ZNG1A: variants seen among roughly 807,000 people sequenced by gnomAD.
The protein encoded by ZNG1A is zinc-regulated GTPase metalloprotein activator 1A.
At chr9:163,666 C>G in the ZNG1A span, among the ~76,000 whole-genome samples, 1 of 151,966 alleles carries the variant, frequency 6.6e-6, no homozygotes, top group Non-Finnish European at 1.5e-5. Context: ...CCTGTAATCC[C>G]AGCACTTTGG....
chr9:126,580 A>C, the ZNG1A span, among the ~76,000 whole-genome samples: 1 of 151,820 alleles, frequency 6.6e-6, no homozygotes, highest in Admixed American at 6.6e-5. Flanking sequence ...TATTGAGCTT[A>C]TTTGGATTTT....
chr9:136,644 GA>G, the ZNG1A span, among the ~76,000 whole-genome samples: 1 of 90,060 alleles, frequency 1.1e-5, no homozygotes, highest in Admixed American at 1.3e-4. Flanking sequence ...CATGTAAAGG[GA>G]AAAAATAAAA....
At chr9:166,917 T>C in the ZNG1A span, 2 of 152,044 alleles carry the variant, frequency 1.3e-5, no homozygotes, top group Non-Finnish European at 2.9e-5. Context: ...TGTCATGAAG[T>C]AGAGGATCTA....
At chr9:143,196 A>C in the ZNG1A span, among the ~76,000 whole-genome samples, 4 of 149,172 alleles carry the variant, frequency 2.7e-5, no homozygotes, top group African/African-American at 1.0e-4. Context: ...TCATTTGATG[A>C]GGCCAGCATC....
the ZNG1A span, among the ~76,000 whole-genome samples, chr9:144,549 C>G: frequency 0.017 from 2,529 of 149,100 alleles, 27 homozygotes; most frequent in Non-Finnish European, 0.022. Flanking sequence ...ATCAATTCAA[C>G]ATGGATTAAA....
the ZNG1A span, among the ~76,000 whole-genome samples, chr9:178,456 C>A: frequency 8.9e-5 from 10 of 112,948 alleles, 2 homozygotes; most frequent in African/African-American, 2.6e-4. Flanking sequence ...GGCCCTGTTT[C>A]ACAGGTGACA....
chr9:175,920 G>A, the ZNG1A span: 18 of 1,371,038 alleles, frequency 1.3e-5, no homozygotes, highest in Non-Finnish European at 1.7e-5. Flanking sequence ...ATATCCTAGA[G>A]GATAAGATTA....
the ZNG1A span, among the ~76,000 whole-genome samples, chr9:152,329 C>T: frequency 2.2e-4 from 33 of 152,126 alleles, no homozygotes; most frequent in Non-Finnish European, 1.0e-4. Flanking sequence ...GCACAACTGT[C>T]AGATTAAGGG....
the ZNG1A span, among the ~76,000 whole-genome samples, chr9:142,701 A>C: frequency 7.1e-6 from 1 of 140,084 alleles, no homozygotes; most frequent in Non-Finnish European, 1.5e-5. Context: ...TCAGAGCAGA[A>C]CTGAAGGAAA....
At chr9:150,006 A>T in the ZNG1A span, 1 of 151,444 alleles carries the variant, frequency 6.6e-6, no homozygotes, top group Admixed American at 6.6e-5. Context: ...TGCTTATAGC[A>T]GTTTATTGTC....
At chr9:164,793 G>T in the ZNG1A span, among the ~76,000 whole-genome samples, 1 of 151,686 alleles carries the variant, frequency 6.6e-6, no homozygotes, top group East Asian at 1.9e-4. Flanking sequence ...AAAAGAATGA[G>T]TGTAGGAGAA....
At chr9:150,507 A>C in the ZNG1A span, 1 of 943,320 alleles carries the variant, frequency 1.1e-6, no homozygotes. Context: ...AAGATTCAGG[A>C]CCCAATAGTA....
the ZNG1A span, chr9:175,598 T>C: frequency 7.5e-7 from 1 of 1,332,454 alleles, no homozygotes; most frequent in Non-Finnish European, 1.1e-6. Flanking sequence ...ATCAATACAA[T>C]ACCTTGCATT....
chr9:150,068 A>G, the ZNG1A span: 2 of 151,932 alleles, frequency 1.3e-5, no homozygotes, highest in Non-Finnish European at 2.9e-5. Context: ...AAAATAAAAC[A>G]AAACTTCTAT....
At chr9:131,410 T>A in the ZNG1A span, among the ~76,000 whole-genome samples, 3 of 150,722 alleles carry the variant, frequency 2.0e-5, 1 homozygote, top group African/African-American at 7.5e-5. Flanking sequence ...AAACAATACC[T>A]AGCATACAAT....
At chr9:128,374 T>C in the ZNG1A span, among the ~76,000 whole-genome samples, 1 of 151,672 alleles carries the variant, frequency 6.6e-6, no homozygotes, top group Non-Finnish European at 1.5e-5. Flanking sequence ...TCTTCATATT[T>C]TCTTATTCTT....
chr9:173,908 G>C, the ZNG1A span, among the ~76,000 whole-genome samples: 9 of 152,190 alleles, frequency 5.9e-5, no homozygotes, highest in Non-Finnish European at 1.2e-4. Flanking sequence ...AACTTATAGG[G>C]AGGCCAAGGC....
the ZNG1A span, among the ~76,000 whole-genome samples, chr9:129,306 T>G: frequency 1.3e-5 from 2 of 152,034 alleles, no homozygotes; most frequent in African/African-American, 4.8e-5. Flanking sequence ...AGTGCTTTCT[T>G]GCTTGATAAG....
At chr9:149,301 AAGTTCTCTATCTCTTC>A in the ZNG1A span, 2 of 150,994 alleles carry the variant, frequency 1.3e-5, no homozygotes, top group African/African-American at 4.9e-5. Flanking sequence ...CCTTTGTGGT[AAGTTCTCTATCTCTTC>A]AGTCATACCA....
Sources: allele counts gnomAD v4.1 joint callset (sites outside exome capture counted in the v4.1 genomes callset), GRCh38; gene constraint gnomAD v4.1.1; transcripts MANE v1.5; gene names NCBI Gene and HGNC (gene_info 2026-07-23, HGNC 2026-07-21).